Variants in GNPTG observed in about 807,000 individuals in gnomAD.
GNPTG encodes N-acetylglucosamine-1-phosphotransferase subunit gamma.
In GNPTG, 46 loss-of-function variants were observed where a neutral mutation model predicts 43.8. The observed-to-expected ratio is 1.05, with a 90% CI of 0.83 to 1.34. GNPTG has a LOEUF of 1.34. GNPTG is among the 40% of genes most tolerant of loss of function. GNPTG has a pLI of 0.00. For missense variants in GNPTG, 549 were observed against 411.3 expected, an observed-to-expected ratio of 1.33 and a Z score of -2.90; for synonymous variants, 250 against 172.8, an observed-to-expected ratio of 1.45 and a Z score of -3.50.
chr16:1,353,664 C>T (rs138570401), intron 3 of GNPTG, among the ~76,000 whole-genome samples: 2,598 of 152,238 alleles, frequency 0.017, 33 homozygotes, highest in Middle Eastern at 0.044. Context: ...GCTGGGACTA[C>T]AGGTGCACGC....
At chr16:1,361,128 C>T (rs57890635) in intron 3 of GNPTG, 44,704 of 152,982 alleles carry the variant, frequency 0.29, 7,060 homozygotes, top group East Asian at 0.66. Flanking sequence ...TGTGTAGACA[C>T]GGGGTTCTCA....
chr16:1,352,323 G>C lies in GNPTG; in HGVS notation c.178+17G>C. 2 of 1,548,198 alleles carry C rather than the reference G, an allele frequency of 1.3e-6. No individual in the cohort carries two copies. Among genetic ancestry groups the C allele is most frequent in the Non-Finnish European group, 1.7e-6 (2 of 1,146,736 alleles). ...CCGTGTCTGGTGAGTGAGGAGCGCT[G>C]TTGGCCGGCGCGGGGGTGGCCGCGG... is the stretch of plus-strand genomic sequence containing the variant. On this transcript the variant is annotated intron_variant, in intron 3 of 10. Transcript: ENST00000204679.
Position 1,362,033 on chromosome 16 carries a change from C to A in GNPTG, c.318-5C>A, listed in dbSNP as rs1038742616. The A allele has an allele frequency of 6.2e-7, 1 of 1,612,846 alleles. No homozygotes were observed. The highest frequency in any genetic ancestry group is 1.7e-5 in the Admixed American group (1 of 59,966). ...GCCTCACGTGCCGTGCCCGTGTCTC[C>A]CCAGCATCTGGCACGAGTGGGAGAT... On this transcript the variant is annotated splice_region_variant and splice_polypyrimidine_tract_variant and intron_variant, in intron 5 of 10. Coordinates refer to ENST00000204679, the MANE Select transcript of GNPTG (RefSeq NM_032520.5).
chr16:1,358,492 C>T (rs945084873), intron 3 of GNPTG: 2 of 152,128 alleles, frequency 1.3e-5, no homozygotes, highest in African/African-American at 2.4e-5. Flanking sequence ...GGACAGACCA[C>T]GTTGTTGTTT....
In GNPTG at chr16:1,363,522, T is replaced by TA. The variant is rs2034998263; in HGVS notation, c.*432dup. On this transcript the variant is annotated 3_prime_UTR_variant, in exon 11 of 11. Transcript: ENST00000204679. ...CTGTATCACGGCGAATGTCGAACAC[T>TA]AGAGTTACAGACGACAGGCAACAAG... 7.7e-6 allele frequency: 2 copies of TA among 260,066 alleles called. No homozygotes were observed. Among genetic ancestry groups the TA allele is most frequent in the Non-Finnish European group, 1.5e-5 (2 of 130,922 alleles). The allele number at this position is 260,066 out of a possible 1,614,324, so 16.1% of individuals were successfully genotyped here.
At chr16:1,362,165 C>T in intron 6 of GNPTG, 34 bp downstream of exon 6, 1 of 1,612,840 alleles carries the variant, frequency 6.2e-7, no homozygotes, top group Non-Finnish European at 8.5e-7. Context: ...GGAAGAGGGG[C>T]CCCAGTCTCC....
intron 3 of GNPTG, among the ~76,000 whole-genome samples, chr16:1,359,496 C>T (rs1256944830): frequency 4.6e-5 from 7 of 152,060 alleles, no homozygotes; most frequent in Admixed American, 1.3e-4. Flanking sequence ...TCTCGATCTC[C>T]TGACTTCGTG....
intron 7 of GNPTG, 52 bp from the exon 8 acceptor site, chr16:1,362,399 GC>G (rs1298434859): frequency 8.1e-6 from 13 of 1,610,918 alleles, no homozygotes; most frequent in Non-Finnish European, 8.5e-6. Flanking sequence ...AGTGCTGGGG[GC>G]CAGGGTTGGG....
At position 1,362,714 on chromosome 16, in the gene GNPTG, G is replaced by A. The variant is rs202080062; in HGVS notation, c.713G>A (p.Gly238Glu). 4.8e-5 allele frequency: 78 copies of A among 1,614,058 alleles called. No homozygotes were observed. The East Asian group carries it at 1.7e-3, about 35-fold the overall frequency. The part of the protein sequence containing the change: ...TQLEGGPDSL[G>E]FETLENCRKA... The stretch of plus-strand genomic sequence containing the variant: ...CTGGAGGGAGGTCCTGACAGCTTGG[G>A]GTTTGAGACCCTGGAAAACTGCAGG... The change falls in exon 9 of 11, where the codon GGG (glycine) becomes GAG (glutamate). Residue 238 changes from glycine to glutamate, a missense_variant. Physicochemically the swap from Gly to Glu is moderately conservative, Grantham distance 98 (BLOSUM62 -2). Transcript: ENST00000204679.
intron 3 of GNPTG, among the ~76,000 whole-genome samples, chr16:1,352,898 G>A (rs950671356): frequency 6.6e-6 from 1 of 151,918 alleles, no homozygotes; most frequent in Admixed American, 6.6e-5. Flanking sequence ...AGTGGAATTG[G>A]TGGGTCATGA....
chr16:1,352,039 G>C (rs2034693439), intron 1 of GNPTG, 22 bp downstream of exon 1: 1 of 1,496,714 alleles, frequency 6.7e-7, no homozygotes, highest in Admixed American at 2.2e-5. Flanking sequence ...GGCCGTCCGC[G>C]TCCCCAGGCC....
intron 3 of GNPTG, chr16:1,360,671 TCATCCCCAAACCACC>T (rs2034854050): frequency 6.6e-6 from 1 of 152,178 alleles, no homozygotes; most frequent in Non-Finnish European, 1.5e-5. Context: ...TGGAACAGTT[TCATCCCCAAACCACC>T]CATCCCCACC....
Position 1,362,020 on chromosome 16 carries a change from G to A in GNPTG, c.318-18G>A, listed in dbSNP as rs148378749. On this transcript the variant is annotated intron_variant, in intron 5 of 10. Transcript: ENST00000204679. ...AGCTCCCCACCCGGCCTCACGTGCC[G>A]TGCCCGTGTCTCCCCAGCATCTGGC... 1.4e-3 allele frequency: 2,182 copies of A among 1,612,536 alleles called. 35 individuals are homozygous for A. The African/African-American group carries it at 0.025, about 18-fold the overall frequency.
At chr16:1,355,560 G>T in intron 3 of GNPTG, among the ~76,000 whole-genome samples, 1 of 152,286 alleles carries the variant, frequency 6.6e-6, no homozygotes, top group South Asian at 2.1e-4. Context: ...AGGAGCAGAG[G>T]TTGGTAGGTC....
chr16:1,355,075 G>C (rs1481252883), intron 3 of GNPTG, among the ~76,000 whole-genome samples: 1 of 151,978 alleles, frequency 6.6e-6, no homozygotes, highest in African/African-American at 2.4e-5. Context: ...CTGCGGGGTC[G>C]GGTGTGGATG....
intron 3 of GNPTG, chr16:1,358,340 A>G (rs1433911703): frequency 6.6e-6 from 1 of 152,190 alleles, no homozygotes; most frequent in Non-Finnish European, 1.5e-5. Flanking sequence ...TTGGCTATTC[A>G]TAGACGTCAC....
At chr16:1,356,322 G>A (rs547858270) in intron 3 of GNPTG, among the ~76,000 whole-genome samples, 82 of 152,290 alleles carry the variant, frequency 5.4e-4, no homozygotes, top group African/African-American at 1.8e-3. Context: ...GGGGACGTGC[G>A]GGTGAAGCAG....
At position 1,362,474 on chromosome 16, in the gene GNPTG, C is replaced by G. The variant is rs1172275341; in HGVS notation, c.549C>G (p.Ala183=). 6.2e-7 allele frequency: 1 copy of G among 1,614,058 alleles called. No homozygotes were observed. The highest frequency in any genetic ancestry group is 8.5e-7 in the Non-Finnish European group (1 of 1,180,006). ...ALLVYPTLPE[A]LQRQWDQVEQ... ...CAGTGTACCCAACCCTGCCAGAGGC[C>G]CTGCAGCGGCAGTGGGACCAGGTAG... Residue 183 remains alanine, a synonymous_variant, in exon 8 of 11, where the codon GCC becomes GCG. Coordinates refer to ENST00000204679, the MANE Select transcript of GNPTG (RefSeq NM_032520.5).
Position 1,363,325 on chromosome 16 carries a change from G to A in GNPTG, c.*234G>A, listed in dbSNP as rs1008041077. On this transcript the variant is annotated 3_prime_UTR_variant, in exon 11 of 11. Transcript: ENST00000204679. ...AACAAGTGTTAACTTTAAACAGTTC[G>A]CTACAAGTAAATGATTATAAATACT... 98 of 534,764 alleles carry A rather than the reference G, an allele frequency of 1.8e-4. 1 individual carries two copies. In the Admixed American group the frequency reaches 2.5e-3, roughly 14 times the overall value. 33.1% of individuals were successfully genotyped at this position (534,764 alleles called of 1,614,324 possible).
Sources: gnomAD v4.1 joint callset for allele counts (sites outside exome capture counted in the v4.1 genomes callset) on GRCh38, gnomAD v4.1.1 for gene constraint, MANE v1.5 for transcripts, NCBI Gene and HGNC (gene_info 2026-07-23, HGNC 2026-07-21) for gene names.